TFDP2: variants seen among roughly 807,000 people sequenced by gnomAD.
TFDP2 encodes transcription factor Dp-2 (E2F dimerization partner 2).
A neutral mutation model predicts 59.3 loss-of-function variants in TFDP2; 17 were observed. The ratio of observed to expected loss-of-function variants is 0.29; its 90% CI spans 0.20 to 0.43. The LOEUF (loss-of-function observed/expected upper bound fraction) is 0.43. TFDP2 is among the 20% of genes least tolerant of loss of function. The pLI is 1.00. For synonymous variants in TFDP2, 180 were observed against 194.7 expected, an observed-to-expected ratio of 0.92 and a Z score of 0.63; for missense variants, 391 against 528.8, an observed-to-expected ratio of 0.74 and a Z score of 2.56.
chr3:142,116,605 T>C (rs767018124), intron 1 of TFDP2, among the ~76,000 whole-genome samples: 35 of 152,328 alleles, frequency 2.3e-4, no homozygotes, highest in Non-Finnish European at 4.6e-4. Flanking sequence ...GTTTCTGTTG[T>C]TTTAAGCCAC....
At chr3:142,053,712 A>T (rs1402273687) in intron 3 of TFDP2, among the ~76,000 whole-genome samples, 1 of 152,228 alleles carries the variant, frequency 6.6e-6, no homozygotes, top group Non-Finnish European at 1.5e-5. Flanking sequence ...AGTTAAGAGA[A>T]GAAAAAGACA....
At chr3:142,032,626 A>G (rs1946489531) in intron 3 of TFDP2, among the ~76,000 whole-genome samples, 1 of 152,114 alleles carries the variant, frequency 6.6e-6, no homozygotes, top group South Asian at 2.1e-4. Context: ...TCAACTCAGT[A>G]TTGAACTTCC....
intron 11 of TFDP2, 61 bp from the exon 12 acceptor site, chr3:141,953,077 A>G (rs1936119064): frequency 4.9e-6 from 6 of 1,223,968 alleles, no homozygotes. Context: ...TGCTGTTGTT[A>G]CAGTCTGAGG....
chr3:142,048,878 T>C (rs1000747190), intron 3 of TFDP2, among the ~76,000 whole-genome samples: 2 of 152,198 alleles, frequency 1.3e-5, no homozygotes, highest in African/African-American at 2.4e-5. Context: ...AAAGACGTAA[T>C]TTGAACTGCC....
chr3:142,110,177 C>T (rs2061602295), intron 1 of TFDP2, among the ~76,000 whole-genome samples: 1 of 152,082 alleles, frequency 6.6e-6, no homozygotes, highest in Admixed American at 6.6e-5. Flanking sequence ...AGCCACCACG[C>T]CCAGTCCATT....
intron 1 of TFDP2, among the ~76,000 whole-genome samples, chr3:142,135,993 A>G (rs190348388): frequency 6.6e-6 from 1 of 152,138 alleles, no homozygotes; most frequent in Admixed American, 6.5e-5. Flanking sequence ...GTCTTCCACA[A>G]TGGTTGAACT....
In TFDP2 at chr3:141,944,633, C is replaced by T. The variant is rs1305017875; in HGVS notation, c.*7880G>A. 1.3e-5 allele frequency: 2 copies of T among 152,204 alleles called. No individual in the cohort carries two copies. The highest frequency in any genetic ancestry group is 4.8e-5 in the African/African-American group (2 of 41,436). The allele number at this position is 152,204 out of a possible 1,614,324, so 9.4% of individuals were successfully genotyped here. A position where few individuals can be genotyped will look rare whatever the true frequency, so the allele number is the denominator to read the frequency against. On this transcript the variant is annotated 3_prime_UTR_variant, in exon 13 of 13. Transcript: ENST00000489671. ...AGCTTCCCAGGCCCCACCTCCAGCACTTCTGACTGAGCGTCTGGGACGCAT... is the reference window on the plus strand; with the variant it reads ...AGCTTCCCAGGCCCCACCTCCAGCATTTCTGACTGAGCGTCTGGGACGCAT...
chr3:142,115,315 C>CTT (rs906368574), intron 1 of TFDP2, among the ~76,000 whole-genome samples: 21 of 130,976 alleles, frequency 1.6e-4, no homozygotes, highest in South Asian at 2.4e-4. Context: ...CACGCATTTT[C>CTT]TTTTTTTTTT....
chr3:142,089,552 A>C (rs907819534), intron 3 of TFDP2, among the ~76,000 whole-genome samples: 3 of 152,160 alleles, frequency 2.0e-5, no homozygotes, highest in African/African-American at 2.4e-5. Context: ...ACTTCTGAGT[A>C]CTTATCTTAA....
intron 3 of TFDP2, among the ~76,000 whole-genome samples, chr3:142,005,921 GAACA>G (rs63267760): frequency 0.12 from 18,309 of 151,962 alleles, 1,347 homozygotes; most frequent in East Asian, 0.18. Context: ...AGACATAACA[GAACA>G]AATAATATAC....
chr3:142,030,089 T>G (rs1946349619), intron 3 of TFDP2, among the ~76,000 whole-genome samples: 1 of 152,240 alleles, frequency 6.6e-6, no homozygotes, highest in Non-Finnish European at 1.5e-5. Context: ...TGTTAGACAC[T>G]CAAATACATA....
intron 6 of TFDP2, among the ~76,000 whole-genome samples, chr3:141,981,424 A>C (rs186687569): frequency 1.0e-3 from 155 of 152,342 alleles, no homozygotes; most frequent in African/African-American, 3.7e-3. Flanking sequence ...GGGACTGTGA[A>C]TATATTTACT....
intron 1 of TFDP2, among the ~76,000 whole-genome samples, chr3:142,126,776 G>A (rs1380973242): frequency 5.3e-5 from 8 of 151,152 alleles, no homozygotes; most frequent in East Asian, 2.0e-4. Context: ...GTGAAACCCC[G>A]TTTCTACCGA....
At chr3:142,081,840 G>A (rs1002244685) in intron 3 of TFDP2, among the ~76,000 whole-genome samples, 1 of 152,092 alleles carries the variant, frequency 6.6e-6, no homozygotes, top group African/African-American at 2.4e-5. Flanking sequence ...GTAATAAAAA[G>A]GCTTTCAGTA....
chr3:142,133,052 G>C (rs1263622658), intron 1 of TFDP2, among the ~76,000 whole-genome samples: 1 of 149,874 alleles, frequency 6.7e-6, no homozygotes, highest in Non-Finnish European at 1.5e-5. Flanking sequence ...TACTAAAACA[G>C]AAAAACTACA....
intron 3 of TFDP2, among the ~76,000 whole-genome samples, chr3:142,041,804 G>C (rs1490756291): frequency 6.6e-6 from 1 of 152,034 alleles, no homozygotes; most frequent in African/African-American, 2.4e-5. Context: ...TTTTACATTA[G>C]GTCTATGATC....
chr3:142,130,660 G>A (rs144050840), intron 1 of TFDP2, among the ~76,000 whole-genome samples: 6 of 152,010 alleles, frequency 3.9e-5, no homozygotes, highest in Non-Finnish European at 7.4e-5. Flanking sequence ...TTGGTACAGC[G>A]TTTCAGTTTT....
chr3:141,970,168 A>T lies in TFDP2; in HGVS notation c.664-27T>A. The T allele has an allele frequency of 8.1e-6, 13 of 1,601,044 alleles. No homozygotes were observed. In the Middle Eastern group the frequency reaches 2.2e-3, roughly 265 times the overall value. The stretch of plus-strand genomic sequence containing the variant: ...TTTAAAACATTGGTTACAAAATAAT[A>T]TGAACATAGGTAGACTATAAAATAT... On this transcript the variant is annotated intron_variant, in intron 8 of 12. Coordinates refer to ENST00000489671, the MANE Select transcript of TFDP2 (RefSeq NM_001178139.2).
intron 11 of TFDP2, 109 bp from the exon 12 acceptor site, chr3:141,953,125 G>A (rs1034201578): frequency 1.2e-5 from 8 of 666,204 alleles, no homozygotes; most frequent in Non-Finnish European, 2.0e-5. Flanking sequence ...TATTCTTCAT[G>A]ACAGCTAGAC....
Sources: gnomAD v4.1 joint callset for allele counts (sites outside exome capture counted in the v4.1 genomes callset) on GRCh38, gnomAD v4.1.1 for gene constraint, MANE v1.5 for transcripts, NCBI Gene and HGNC (gene_info 2026-07-23, HGNC 2026-07-21) for gene names.